The following STX8 variants were observed in gnomAD, a reference collection of about 807,000 sequenced individuals.
STX8 encodes the protein syntaxin 8.
A neutral mutation model predicts 37.5 loss-of-function variants in STX8; 23 were observed. The ratio of observed to expected loss-of-function variants is 0.61; its 90% CI spans 0.44 to 0.87. The LOEUF is 0.87. Among genes scored for constraint, STX8 ranks in the 40% least tolerant of loss-of-function variants. The probability of loss-of-function intolerance (pLI) is 0.00; values close to 1 mark genes in which losing one functional copy is unlikely to be tolerated. For missense variants in STX8, 313 were observed against 284.7 expected, an observed-to-expected ratio of 1.10 and a Z score of -0.71; for synonymous variants, 115 against 99.1, an observed-to-expected ratio of 1.16 and a Z score of -0.95.
intron 7 of STX8, among the ~76,000 whole-genome samples, chr17:9,257,121 G>A (rs1249371671): frequency 2.0e-5 from 3 of 152,202 alleles, no homozygotes; most frequent in African/African-American, 7.2e-5. Context: ...TCCCTTTCAG[G>A]GGCAGGCATG....
In STX8 at chr17:9,276,580, A is replaced by G. The variant is rs1907684275; in HGVS notation, c.644-25935T>C. 2.6e-5 allele frequency among the ~76,000 whole-genome samples: 4 copies of G among 152,056 alleles called. No homozygotes were observed. The South Asian group carries it at 8.3e-4, about 32-fold the overall frequency. On this transcript the variant is annotated intron_variant, in intron 7 of 7. Coordinates refer to ENST00000306357, the MANE Select transcript of STX8 (RefSeq NM_004853.3). ...TGTTGAGATATCTAAGACATCAACA[A>G]AATTAGTTTTTTGTCAGCTTTTCTT...
At chr17:9,362,630 A>G (rs1401342487) in intron 7 of STX8, among the ~76,000 whole-genome samples, 3 of 151,984 alleles carry the variant, frequency 2.0e-5, no homozygotes, top group Admixed American at 6.6e-5. Context: ...CAGACTGGCT[A>G]ACATGGTGAA....
rs1032234818 is a variant in STX8 at position 9,507,728 on chromosome 17, C to T, written c.324-2566G>A. On this transcript the variant is annotated intron_variant, in intron 4 of 7. Coordinates refer to ENST00000306357, the MANE Select transcript of STX8 (RefSeq NM_004853.3). The surrounding 1 kb of genome is among the most constrained non-coding windows in gnomAD (Gnocchi z 4.0). Reference sequence around the variant, plus strand: ...TGCATCGCTGACCTGACAAATAGCCCGGTGAACACATCCCTGGCAAAGTCA... The same window carrying T: ...TGCATCGCTGACCTGACAAATAGCCTGGTGAACACATCCCTGGCAAAGTCA... Among the ~76,000 whole-genome samples, 15 of 152,292 alleles carry T rather than the reference C, an allele frequency of 9.8e-5. No homozygotes were observed. Among genetic ancestry groups the T allele is most frequent in the East Asian group, 3.9e-4 (2 of 5,182 alleles).
At chr17:9,385,493 G>A (rs1048838464) in intron 6 of STX8, among the ~76,000 whole-genome samples, 4 of 152,116 alleles carry the variant, frequency 2.6e-5, no homozygotes, top group Non-Finnish European at 4.4e-5. Context: ...CTTTAAAATA[G>A]GCAAAAGATC....
rs549437056 is a variant in STX8, at chr17:9,547,579, G to C, written c.213-2297C>G. The stretch of plus-strand genomic sequence containing the variant: ...GGAGGCGGAGGTTGCAGTGAGCCGA[G>C]ACTGTGCCACTGCACTCCAGCCTGG... On this transcript the variant is annotated intron_variant, in intron 3 of 7. Coordinates refer to ENST00000306357, the MANE Select transcript of STX8 (RefSeq NM_004853.3). Among the ~76,000 whole-genome samples the C allele has an allele frequency of 2.9e-5, 4 of 136,542 alleles. No homozygotes were observed. The South Asian group carries it at 7.3e-4, about 25-fold the overall frequency. 89.6% of individuals were successfully genotyped at this position (136,542 alleles called of 152,430 possible).
chr17:9,397,321 G>A (rs113971586), intron 6 of STX8, among the ~76,000 whole-genome samples: 2,484 of 152,264 alleles, frequency 0.016, 67 homozygotes, highest in African/African-American at 0.056. Context: ...GCTTGAACCC[G>A]GGAGGGAGAG....
At chr17:9,424,483 G>T (rs552378159) in intron 6 of STX8, among the ~76,000 whole-genome samples, 11 of 152,134 alleles carry the variant, frequency 7.2e-5, no homozygotes, top group Admixed American at 2.0e-4. Flanking sequence ...TCTGCCTGGG[G>T]CCTCGTGTTA....
intron 3 of STX8, among the ~76,000 whole-genome samples, chr17:9,547,141 G>A (rs112709542): frequency 2.7e-5 from 4 of 150,632 alleles, no homozygotes; most frequent in African/African-American, 4.9e-5. Context: ...CCAGCTACTC[G>A]GGAGGCTGAG....
At chr17:9,488,321 T>C (rs7220513) in intron 6 of STX8, among the ~76,000 whole-genome samples, 133,387 of 150,862 alleles carry the variant, frequency 0.88, 60,130 homozygotes, top group Non-Finnish European at 0.94. Flanking sequence ...GGCGAAACTC[T>C]GTCTTAAAAA....
intron 6 of STX8, among the ~76,000 whole-genome samples, chr17:9,472,400 G>C (rs949528375): frequency 1.3e-5 from 2 of 152,184 alleles, no homozygotes; most frequent in African/African-American, 4.8e-5. Context: ...TGAATCCTTT[G>C]AGTCCTCCTA....
chr17:9,564,321 GAA>G (rs1907371249), intron 2 of STX8, among the ~76,000 whole-genome samples: 1 of 151,170 alleles, frequency 6.6e-6, no homozygotes, highest in African/African-American at 2.4e-5. Context: ...GGAAGGGAGA[GAA>G]AGAGAGAAAG....
At chr17:9,285,481 G>C (rs1333062286) in intron 7 of STX8, among the ~76,000 whole-genome samples, 2 of 151,998 alleles carry the variant, frequency 1.3e-5, no homozygotes, top group Non-Finnish European at 2.9e-5. Context: ...GGACTGCTGG[G>C]TGTCTTCAAT....
chr17:9,274,367 T>C (rs922669416), intron 7 of STX8, among the ~76,000 whole-genome samples: 1 of 152,024 alleles, frequency 6.6e-6, no homozygotes, highest in African/African-American at 2.4e-5. Context: ...AGACATTTGT[T>C]TAAACAAAGT....
intron 6 of STX8, among the ~76,000 whole-genome samples, chr17:9,482,066 G>T (rs1401536818): frequency 1.3e-5 from 2 of 152,092 alleles, no homozygotes; most frequent in Non-Finnish European, 2.9e-5. Context: ...CAGCTAGTTG[G>T]GAGGCTCAGG....
At chr17:9,299,900 C>T (rs1450316482) in intron 7 of STX8, among the ~76,000 whole-genome samples, 1 of 152,190 alleles carries the variant, frequency 6.6e-6, no homozygotes, top group Non-Finnish European at 1.5e-5. Flanking sequence ...CAATCAACTA[C>T]GTTTGCCAAC....
chr17:9,522,309 G>A (rs537628223), intron 4 of STX8, among the ~76,000 whole-genome samples: 1 of 152,226 alleles, frequency 6.6e-6, no homozygotes, highest in East Asian at 1.9e-4. Flanking sequence ...GTCCAGGAGG[G>A]CCAACTATTG....
At chr17:9,427,072 G>A (rs999232587) in intron 6 of STX8, among the ~76,000 whole-genome samples, 1 of 152,200 alleles carries the variant, frequency 6.6e-6, no homozygotes, top group African/African-American at 2.4e-5. Flanking sequence ...TCGGTTGGAA[G>A]TAAGAGAGTT....
chr17:9,263,074 C>T (rs1408816094), intron 7 of STX8, among the ~76,000 whole-genome samples: 2 of 152,294 alleles, frequency 1.3e-5, no homozygotes, highest in East Asian at 1.9e-4. Flanking sequence ...GAGGACACCC[C>T]GTCTGGGTTG....
chr17:9,305,911 AT>A (rs1567776996), intron 7 of STX8, among the ~76,000 whole-genome samples: 1 of 151,236 alleles, frequency 6.6e-6, no homozygotes, highest in Non-Finnish European at 1.5e-5. Context: ...TTCCCGGCTA[AT>A]TTTTGTATTT....
Sources: gnomAD v4.1 joint callset for allele counts (sites outside exome capture counted in the v4.1 genomes callset) on GRCh38, gnomAD v4.1.1 for gene constraint, Gnocchi (gnomAD v3.1) non-coding constraint, MANE v1.5 for transcripts, NCBI Gene and HGNC (gene_info 2026-07-23, HGNC 2026-07-21) for gene names.